Variants in ALG6 observed in about 807,000 individuals in gnomAD.
The protein encoded by ALG6 is ALG6 alpha-1,3-glucosyltransferase.
Under a neutral mutation model 66.6 loss-of-function variants are expected in ALG6, and 46 were observed. The observed-to-expected ratio is 0.69, with a 90% CI of 0.55 to 0.88. The LOEUF (loss-of-function observed/expected upper bound fraction) is 0.88, where lower values mean the gene tolerates loss of function less well. Among genes scored for constraint, ALG6 ranks in the 40% least tolerant of loss-of-function variants. ALG6 has a pLI of 0.00. For missense variants in ALG6, 505 were observed against 586.8 expected, an observed-to-expected ratio of 0.86 and a Z score of 1.44; for synonymous variants, 185 against 203.7, an observed-to-expected ratio of 0.91 and a Z score of 0.78.
intron 2 of ALG6, among the ~76,000 whole-genome samples, chr1:63,380,259 G>A (rs1200959066): frequency 6.6e-6 from 1 of 152,180 alleles, no homozygotes; most frequent in Non-Finnish European, 1.5e-5. Context: ...AGGAGACCAT[G>A]TGAACCTCCT....
chr1:63,431,329 A>G (rs1396436346), intron 14 of ALG6, among the ~76,000 whole-genome samples: 1 of 152,138 alleles, frequency 6.6e-6, no homozygotes, highest in East Asian at 1.9e-4. Flanking sequence ...TTATTTTCAT[A>G]TTATTTTTAG....
At chr1:63,423,880 G>A (rs973659833) in intron 12 of ALG6, among the ~76,000 whole-genome samples, 1 of 152,096 alleles carries the variant, frequency 6.6e-6, no homozygotes, top group Non-Finnish European at 1.5e-5. Flanking sequence ...TTAACTTATT[G>A]AGGAACCACC....
intron 14 of ALG6, 118 bp from the exon 15 acceptor site, chr1:63,436,701 GAATA>G: frequency 1.1e-6 from 1 of 948,570 alleles, no homozygotes; most frequent in Non-Finnish European, 1.7e-6. Flanking sequence ...AGATACACCA[GAATA>G]AATTAGACCC....
At chr1:63,429,185 A>G in intron 14 of ALG6, 59 bp downstream of exon 14, 1 of 1,239,588 alleles carries the variant, frequency 8.1e-7, no homozygotes, top group Non-Finnish European at 1.1e-6. Flanking sequence ...TTAAAAAATT[A>G]TTGAAGTAGT....
rs138606213 is a variant in ALG6, at chr1:63,388,493, C to T, written c.83-8020C>T. On this transcript the variant is annotated intron_variant, in intron 2 of 14. Transcript: ENST00000263440. ...TAACAAAAACTCTACACTTTATTCC[C>T]CTGCTTTTTAACTTTTTATTGTTTC... Among the ~76,000 whole-genome samples the T allele has an allele frequency of 2.2e-4, 33 of 152,186 alleles. No individual in the cohort carries two copies. In the East Asian group the frequency reaches 6.4e-3, roughly 29 times the overall value.
intron 12 of ALG6, among the ~76,000 whole-genome samples, chr1:63,426,835 C>T (rs188030644): frequency 1.3e-3 from 198 of 152,240 alleles, no homozygotes; most frequent in African/African-American, 4.7e-3. Flanking sequence ...TGAGCCCCTG[C>T]GCCGGCTGTA....
intron 7 of ALG6, 74 bp from the exon 8 acceptor site, chr1:63,411,072 C>G: frequency 6.8e-7 from 1 of 1,479,428 alleles, no homozygotes; most frequent in Non-Finnish European, 9.4e-7. Flanking sequence ...GAGCATATCT[C>G]TTGTGTGATT....
At chr1:63,401,432 G>A (rs1332338296) in intron 3 of ALG6, among the ~76,000 whole-genome samples, 10 of 152,076 alleles carry the variant, frequency 6.6e-5, no homozygotes, top group East Asian at 1.9e-4. Flanking sequence ...TTGGGAGGCC[G>A]AGGAGGGTGG....
chr1:63,399,238 CT>C (rs767224891), intron 3 of ALG6, among the ~76,000 whole-genome samples: 5 of 152,168 alleles, frequency 3.3e-5, no homozygotes, highest in Non-Finnish European at 7.3e-5. Flanking sequence ...CAGCTTGCTT[CT>C]TTAAAGTCAG....
In ALG6 at chr1:63,411,973, T is replaced by G; in HGVS notation, c.728T>G (p.Val243Gly). Residue 243 changes from valine (V) to glycine (G), a missense_variant, in exon 9 of 15, where the codon GTT becomes GGT. Transcript: ENST00000263440. ...KLACIVVASFVLCWLPFFTER... is the reference protein window; with the variant it reads ...KLACIVVASFGLCWLPFFTER... ...GCTTGTATTGTTGTGGCTTCCTTCG[T>G]TCTCTGCTGGCTGCCATTCTTTACA... is the stretch of plus-strand genomic sequence containing the variant. The G allele has an allele frequency of 2.5e-6, 4 of 1,614,142 alleles. No individual in the cohort carries two copies. The highest frequency in any genetic ancestry group is 1.1e-5 in the South Asian group (1 of 91,088).
chr1:63,376,800 A>G (rs1005632292), intron 2 of ALG6, among the ~76,000 whole-genome samples: 3 of 152,176 alleles, frequency 2.0e-5, no homozygotes, highest in African/African-American at 4.8e-5. Context: ...AATATTCTGC[A>G]TATATTCAAT....
chr1:63,382,747 C>T (rs535149651), intron 2 of ALG6, among the ~76,000 whole-genome samples: 1 of 145,868 alleles, frequency 6.9e-6, no homozygotes, highest in South Asian at 2.2e-4. Flanking sequence ...GCGATCTCGG[C>T]TCACTGCAAG....
intron 10 of ALG6, among the ~76,000 whole-genome samples, chr1:63,414,513 G>A (rs1644532474): frequency 6.6e-6 from 1 of 152,122 alleles, no homozygotes; most frequent in South Asian, 2.1e-4. Flanking sequence ...GCCTCCCAAA[G>A]TGCTGGGATT....
At chr1:63,394,335 GTTTACTC>G (rs1046493424) in intron 2 of ALG6, among the ~76,000 whole-genome samples, 1 of 151,986 alleles carries the variant, frequency 6.6e-6, no homozygotes, top group African/African-American at 2.4e-5. Context: ...GTGAGTGGGT[GTTTACTC>G]TTTACTAAAT....
At position 63,438,232 on chromosome 1, in the gene ALG6, ATC is replaced by A. The variant is rs1041398129; in HGVS notation, c.*1214_*1215del. On this transcript the variant is annotated 3_prime_UTR_variant, in exon 15 of 15. Transcript: ENST00000263440. ...GGAAGTGGGTTTAGACAAAGCAAAA[ATC>A]TAGAAAGGTTTCTTTCTCAAAGCAA... The A allele has an allele frequency of 6.6e-6, 1 of 152,148 alleles. No homozygotes were observed. The highest frequency in any genetic ancestry group is 1.5e-5 in the Non-Finnish European group (1 of 68,028). 9.4% of individuals were successfully genotyped at this position (152,148 alleles called of 1,614,324 possible).
intron 2 of ALG6, among the ~76,000 whole-genome samples, chr1:63,384,259 T>A (rs1648430584): frequency 6.6e-6 from 1 of 152,248 alleles, no homozygotes; most frequent in Non-Finnish European, 1.5e-5. Context: ...TGAGCACTTT[T>A]TCATATTCCT....
chr1:63,414,610 T>G (rs1570073229), intron 10 of ALG6, among the ~76,000 whole-genome samples: 1 of 152,232 alleles, frequency 6.6e-6, no homozygotes, highest in Non-Finnish European at 1.5e-5. Context: ...ACAATAAAAC[T>G]CTTCAACTTG....
At chr1:63,411,012 A>G in intron 7 of ALG6, 134 bp from the exon 8 acceptor site, 1 of 825,048 alleles carries the variant, frequency 1.2e-6, no homozygotes, top group Non-Finnish European at 1.9e-6. Context: ...TTCATTGTAT[A>G]TGTTATTTTA....
intron 2 of ALG6, among the ~76,000 whole-genome samples, chr1:63,373,838 T>C (rs1242435336): frequency 6.6e-6 from 1 of 151,628 alleles, no homozygotes; most frequent in African/African-American, 2.4e-5. Context: ...CCTAGGCTGG[T>C]CTTGAACTCC....
Sources: allele counts gnomAD v4.1 joint callset (sites outside exome capture counted in the v4.1 genomes callset), GRCh38; gene constraint gnomAD v4.1.1; transcripts MANE v1.5; gene names NCBI Gene and HGNC (gene_info 2026-07-23, HGNC 2026-07-21).